Variants in GLIS3 observed in about 807,000 individuals in gnomAD.
The protein encoded by GLIS3 is GLIS family zinc finger 3.
GLIS3 carries 53 observed loss-of-function variants against 78.6 expected under a neutral mutation model. The ratio of observed to expected loss-of-function variants is 0.67; its 90% CI spans 0.54 to 0.85. The LOEUF (loss-of-function observed/expected upper bound fraction) is 0.85, where lower values mean the gene tolerates loss of function less well. Among genes scored for constraint, GLIS3 ranks in the 40% least tolerant of loss-of-function variants. The probability of loss-of-function intolerance (pLI) is 0.00; values close to 1 mark genes in which losing one functional copy is unlikely to be tolerated. For missense variants in GLIS3, 1,703 were observed against 1,231.1 expected, an observed-to-expected ratio of 1.38 and a Z score of -5.74; for synonymous variants, 684 against 509.9, an observed-to-expected ratio of 1.34 and a Z score of -4.60.
intron 2 of GLIS3, among the ~76,000 whole-genome samples, chr9:4,275,908 A>G (rs1004133603): frequency 1.3e-5 from 2 of 152,198 alleles, no homozygotes; most frequent in African/African-American, 2.4e-5. Context: ...ATCAAATCAC[A>G]TGAGATAATC....
At chr9:3,840,685 C>CCG (rs1349956773) in intron 9 of GLIS3, among the ~76,000 whole-genome samples, 1 of 152,206 alleles carries the variant, frequency 6.6e-6, no homozygotes, top group Non-Finnish European at 1.5e-5. Flanking sequence ...ACTGGAGCAA[C>CCG]CGCCTGGTCC....
chr9:4,111,875 CAA>C (rs1017183081), intron 4 of GLIS3, among the ~76,000 whole-genome samples: 23 of 152,126 alleles, frequency 1.5e-4, no homozygotes, highest in Admixed American at 1.3e-3. Flanking sequence ...CCTCAAGAGA[CAA>C]AGAGGATATT....
intron 2 of GLIS3, among the ~76,000 whole-genome samples, chr9:4,164,851 C>T (rs1835758788): frequency 6.6e-6 from 1 of 152,156 alleles, no homozygotes; most frequent in South Asian, 2.1e-4. Context: ...TTAAAAGAAA[C>T]AAAAAGATGC....
intron 4 of GLIS3, among the ~76,000 whole-genome samples, chr9:4,010,423 C>G (rs1290838024): frequency 6.6e-6 from 1 of 152,178 alleles, no homozygotes; most frequent in Non-Finnish European, 1.5e-5. Context: ...TTCCTCTCCC[C>G]TTTAGAAGCC....
At chr9:4,050,995 CCTT>C (rs1432081080) in intron 4 of GLIS3, among the ~76,000 whole-genome samples, 1 of 152,008 alleles carries the variant, frequency 6.6e-6, no homozygotes, top group African/African-American at 2.4e-5. Flanking sequence ...ACAATAAACT[CCTT>C]CTGAAGAATG....
At chr9:3,980,825 CT>C (rs1819207323) in intron 4 of GLIS3, among the ~76,000 whole-genome samples, 1 of 152,144 alleles carries the variant, frequency 6.6e-6, no homozygotes, top group Non-Finnish European at 1.5e-5. Context: ...TCTTCTTCTT[CT>C]TCTTCTTTTT....
chr9:3,851,746 C>T (rs1263834472), intron 9 of GLIS3, among the ~76,000 whole-genome samples: 1 of 152,138 alleles, frequency 6.6e-6, no homozygotes, highest in Non-Finnish European at 1.5e-5. Flanking sequence ...CTCTGTAATG[C>T]AACAGCATCT....
the GLIS3 span, among the ~76,000 whole-genome samples, chr9:4,406,528 C>G: frequency 9.0e-4 from 137 of 152,154 alleles, no homozygotes; most frequent in Non-Finnish European, 1.7e-3. Context: ...CAATGTTGGT[C>G]AGATATGATC....
At chr9:3,895,630 T>G (rs1305526220) in intron 7 of GLIS3, among the ~76,000 whole-genome samples, 1 of 152,206 alleles carries the variant, frequency 6.6e-6, no homozygotes. Context: ...CCTGAAAAGT[T>G]TGTTTCAATG....
intron 4 of GLIS3, among the ~76,000 whole-genome samples, chr9:3,956,195 A>C (rs1328150425): frequency 6.6e-6 from 1 of 152,098 alleles, no homozygotes; most frequent in East Asian, 1.9e-4. Flanking sequence ...GAAAAAAAAA[A>C]TCACCTCCAA....
chr9:4,059,823 TGTGTGTGAGA>T (rs1563998289), intron 4 of GLIS3, among the ~76,000 whole-genome samples: 1 of 123,878 alleles, frequency 8.1e-6, no homozygotes, highest in African/African-American at 3.2e-5. Context: ...TGTGTGTGTG[TGTGTGTGAGA>T]GAGAGAGAGA....
Position 4,286,919 on chromosome 9 carries a change from A to G in GLIS3, c.-98-396T>C, listed in dbSNP as rs564187804. Among the ~76,000 whole-genome samples the G allele has an allele frequency of 2.6e-5, 4 of 152,324 alleles. No individual in the cohort carries two copies. The South Asian group carries it at 6.2e-4, about 24-fold the overall frequency. On this transcript the variant is annotated intron_variant, in intron 1 of 10. Transcript: ENST00000381971. ...ACCACCTACCTGAGCTGTGAGACCA[A>G]TGCTTCAAAGTTCCAGTAAACAACC... is the stretch of plus-strand genomic sequence containing the variant.
At chr9:3,844,877 A>G (rs1046708136) in intron 9 of GLIS3, among the ~76,000 whole-genome samples, 1 of 152,230 alleles carries the variant, frequency 6.6e-6, no homozygotes, top group Admixed American at 6.5e-5. Flanking sequence ...TTTGCTTTAC[A>G]AATCGGCAAA....
intron 2 of GLIS3, among the ~76,000 whole-genome samples, chr9:4,227,304 A>G (rs1271670816): frequency 5.7e-5 from 2 of 35,128 alleles, no homozygotes; most frequent in Non-Finnish European, 1.3e-4. Flanking sequence ...ACGTTATGTT[A>G]CCAAAAAAAA....
chr9:4,240,201 G>A (rs1408045630), intron 2 of GLIS3, among the ~76,000 whole-genome samples: 2 of 151,704 alleles, frequency 1.3e-5, no homozygotes, highest in African/African-American at 4.9e-5. Flanking sequence ...GAGGTGGGGG[G>A]GGGGGATGGT....
rs13288897 is a variant in GLIS3 at position 4,161,028 on chromosome 9, C to A, written c.389-35087G>T. ...GAAGGCTAAGGTGGAAGGATTGCTT[C>A]AAACCAGGAGTTCGAAATCAGCCTG... is the stretch of plus-strand genomic sequence containing the variant. On this transcript the variant is annotated intron_variant, in intron 2 of 10. Transcript: ENST00000381971. Among the ~76,000 whole-genome samples the A allele has an allele frequency of 1.1e-4, 16 of 147,550 alleles. No individual in the cohort carries two copies. In the South Asian group the frequency reaches 1.7e-3, roughly 16 times the overall value.
chr9:3,887,150 G>A (rs566974498), intron 7 of GLIS3, among the ~76,000 whole-genome samples: 1 of 151,998 alleles, frequency 6.6e-6, no homozygotes, highest in Non-Finnish European at 1.5e-5. Flanking sequence ...ACTTTGCAGT[G>A]TAGACTATCA....
At chr9:4,043,954 C>G (rs1437319897) in intron 4 of GLIS3, among the ~76,000 whole-genome samples, 5 of 152,136 alleles carry the variant, frequency 3.3e-5, no homozygotes, top group Non-Finnish European at 5.9e-5. Flanking sequence ...TGGCCAGCAC[C>G]CACAGCCGGC....
chr9:4,295,946 C>A (rs899566738), intron 1 of GLIS3, among the ~76,000 whole-genome samples: 6 of 152,080 alleles, frequency 3.9e-5, no homozygotes, highest in East Asian at 1.9e-4. Context: ...TTTTATCACA[C>A]AGATTTCCTA....
Sources: allele counts gnomAD v4.1 joint callset (sites outside exome capture counted in the v4.1 genomes callset), GRCh38; gene constraint gnomAD v4.1.1; transcripts MANE v1.5; gene names NCBI Gene and HGNC (gene_info 2026-07-23, HGNC 2026-07-21).